ZNF23: variants seen among roughly 807,000 people sequenced by gnomAD.
The protein encoded by ZNF23 is kruppel-like zinc finger factor X31.
In ZNF23, 48 loss-of-function variants were observed where a neutral mutation model predicts 56.2. The observed-to-expected ratio is 0.85, with a 90% CI of 0.68 to 1.09. The LOEUF (loss-of-function observed/expected upper bound fraction) is 1.09, where lower values mean the gene tolerates loss of function less well. Ranked by LOEUF, ZNF23 falls within the 50% of genes least tolerant of loss-of-function variation. ZNF23 has a pLI of 0.00. For missense variants in ZNF23, 805 were observed against 811.4 expected (o/e 0.99, Z 0.10); for synonymous variants, 266 against 283.3 (o/e 0.94, Z 0.61).
intron 3 of ZNF23, chr16:71,453,762 C>A: frequency 1.8e-6 from 1 of 555,566 alleles, no homozygotes; most frequent in Non-Finnish European, 3.2e-6. Context: ...ACTGAAGATG[C>A]CACTGTGGAA....
At chr16:71,459,525 G>C (rs1164763228) in intron 1 of ZNF23, among the ~76,000 whole-genome samples, 1 of 152,096 alleles carries the variant, frequency 6.6e-6, no homozygotes, top group Non-Finnish European at 1.5e-5. Flanking sequence ...ACTACAAAAG[G>C]CTTTTTTCCC....
At chr16:71,460,024 C>G (rs1006628535) in intron 1 of ZNF23, among the ~76,000 whole-genome samples, 3 of 152,116 alleles carry the variant, frequency 2.0e-5, no homozygotes, top group Admixed American at 6.5e-5. Context: ...CCTTGAAGAC[C>G]GGGCAGTGAG....
chr16:71,460,941 A>G (rs1016241766), intron 1 of ZNF23, among the ~76,000 whole-genome samples: 22 of 152,370 alleles, frequency 1.4e-4, no homozygotes, highest in African/African-American at 5.3e-4. Flanking sequence ...TACAGTTTTT[A>G]CAATGGAACA....
chr16:71,454,025 G>A lies in ZNF23; in HGVS notation c.160+17C>T. On this transcript the variant is annotated intron_variant, in intron 3 of 4. Transcript: ENST00000647773. ...CCAATTGGCAGATTCCAGGTTCCCA[G>A]GGTAGAGAGGTCTTACCCAGGGAGG... 6.2e-7 allele frequency: 1 copy of A among 1,614,062 alleles called. No individual in the cohort carries two copies. The highest frequency in any genetic ancestry group is 8.5e-7 in the Non-Finnish European group (1 of 1,179,952).
intron 4 of ZNF23, chr16:71,451,540 A>T (rs975642825): frequency 6.6e-6 from 1 of 152,262 alleles, no homozygotes; most frequent in Non-Finnish European, 1.5e-5. Flanking sequence ...TAATGCCCTT[A>T]AAAAAGAGCC....
chr16:71,453,463 A>C (rs2043123880), intron 3 of ZNF23, 113 bp from the exon 4 acceptor site: 2 of 780,364 alleles, frequency 2.6e-6, no homozygotes, highest in Admixed American at 2.2e-5. Flanking sequence ...GAACCCCAGG[A>C]GGTCCCAAGC....
intron 4 of ZNF23, 76 bp from the exon 5 acceptor site, chr16:71,449,961 C>T (rs2042997806): frequency 8.2e-7 from 1 of 1,219,008 alleles, no homozygotes; most frequent in South Asian, 1.7e-5. Context: ...CTATAAAAGA[C>T]CATAATAATC....
intron 1 of ZNF23, among the ~76,000 whole-genome samples, chr16:71,459,321 TA>T (rs1179432079): frequency 3.3e-5 from 5 of 152,240 alleles, no homozygotes; most frequent in Admixed American, 3.3e-4. Context: ...GGGGCAGCCT[TA>T]AGACTCCAAG....
chr16:71,453,764 A>G (rs773733345), intron 3 of ZNF23: 4 of 559,296 alleles, frequency 7.2e-6, no homozygotes, highest in Non-Finnish European at 1.3e-5. Flanking sequence ...TGAAGATGCC[A>G]CTGTGGAACA....
chr16:71,448,433 G>A lies in ZNF23; in HGVS notation c.1721C>T (p.Pro574Leu). Residue 574 changes from proline to leucine, a missense_variant, in exon 5 of 5, where the codon CCT becomes CTT. Coordinates refer to ENST00000647773, the MANE Select transcript of ZNF23 (RefSeq NM_001381984.1). The stretch of plus-strand genomic sequence containing the variant: ...TTTCTCACATTCCATACATTTGAAA[G>A]GTTTCTCCCCAGTATGTATCCTCTG... ...RHQRIHTGEK[P>L]FKCMECEKAF... 6.2e-7 allele frequency: 1 copy of A among 1,614,224 alleles called. No individual in the cohort carries two copies. Among genetic ancestry groups the A allele is most frequent in the African/African-American group, 1.3e-5 (1 of 75,052 alleles).
chr16:71,453,931 GT>G, intron 3 of ZNF23, 110 bp downstream of exon 3: 1 of 1,305,882 alleles, frequency 7.7e-7, no homozygotes, highest in Non-Finnish European at 1.1e-6. Flanking sequence ...CAGCTCTGGG[GT>G]TCTCACTCAG....
intron 4 of ZNF23, among the ~76,000 whole-genome samples, chr16:71,453,016 A>G (rs2043106963): frequency 6.6e-6 from 1 of 152,252 alleles, no homozygotes; most frequent in Admixed American, 6.5e-5. Flanking sequence ...TTAGCATTGA[A>G]GAGTCAGAAT....
At chr16:71,456,544 G>T in intron 2 of ZNF23, 1 of 253,456 alleles carries the variant, frequency 3.9e-6, no homozygotes, top group Non-Finnish European at 6.2e-6. Context: ...CCCTCAGTGT[G>T]CAGAAGACCA....
intron 3 of ZNF23, 61 bp downstream of exon 3, chr16:71,453,981 G>A (rs1227547344): frequency 3.8e-6 from 6 of 1,586,460 alleles, no homozygotes; most frequent in East Asian, 4.5e-5. Context: ...ACCTGTAAGG[G>A]AGAAGCAAGC....
chr16:71,449,923 CCATGTTAGGAAAAAGAAGAGAA>C, intron 4 of ZNF23, 38 bp from the exon 5 acceptor site: 2 of 1,495,104 alleles, frequency 1.3e-6, no homozygotes, highest in Non-Finnish European at 1.8e-6. Context: ...CATGTAAGAA[CCATGTTAGGAAAAAGAAGAGAA>C]CTGTGCTATA....
rs144546566 is a variant in ZNF23, at chr16:71,448,651, G to A, written c.1503C>T (p.Ser501=). 6.8e-6 allele frequency: 11 copies of A among 1,613,950 alleles called. No homozygotes were observed. The highest frequency in any genetic ancestry group is 1.3e-5 in the African/African-American group (1 of 74,934). ...GATGCCGCATTAGTTTCCCATTAACGCTGAAGGCCTTTCCACACTCATTAC... is the reference window on the plus strand; with the variant it reads ...GATGCCGCATTAGTTTCCCATTAACACTGAAGGCCTTTCCACACTCATTAC... ...YECNECGKAF[S]VNGKLMRHQR... is the part of the protein sequence containing the mutation. Residue 501 remains serine (S), a synonymous_variant, in exon 5 of 5, where the codon AGC becomes AGT. Transcript: ENST00000647773.
chr16:71,455,987 C>T (rs550107525), intron 2 of ZNF23: 15 of 456,252 alleles, frequency 3.3e-5, no homozygotes, highest in South Asian at 1.9e-4. Context: ...CAGGACCAAA[C>T]GACCATACAA....
At chr16:71,457,414 T>C (rs2043275871) in intron 1 of ZNF23, among the ~76,000 whole-genome samples, 1 of 152,128 alleles carries the variant, frequency 6.6e-6, no homozygotes, top group Admixed American at 6.5e-5. Context: ...AATATAAAAA[T>C]TAGCCGGGCG....
chr16:71,452,180 G>A (rs1000591883), intron 4 of ZNF23: 1 of 152,156 alleles, frequency 6.6e-6, no homozygotes, highest in East Asian at 1.9e-4. Flanking sequence ...CTTTGATTAA[G>A]ACCTCACAAT....
Sources: gnomAD v4.1 joint callset for allele counts (sites outside exome capture counted in the v4.1 genomes callset) on GRCh38, gnomAD v4.1.1 for gene constraint, MANE v1.5 for transcripts, NCBI Gene and HGNC (gene_info 2026-07-23, HGNC 2026-07-21) for gene names.